The following UBA2 variants were observed in gnomAD, a reference collection of about 807,000 sequenced individuals.
UBA2 encodes the protein ubiquitin like modifier activating enzyme 2.
In UBA2, 11 loss-of-function variants were observed where a neutral mutation model predicts 77.2. That is an observed-to-expected ratio of 0.14 (90% CI 0.09 to 0.24). The LOEUF is 0.24. UBA2 is among the 10% of genes least tolerant of loss of function. UBA2 has a pLI of 1.00. For missense variants in UBA2, 487 were observed against 781.7 expected, an observed-to-expected ratio of 0.62 and a Z score of 4.50; for synonymous variants, 278 against 276.7, an observed-to-expected ratio of 1.00 and a Z score of -0.05.
At chr19:34,432,320 A>G (rs573634303) in intron 3 of UBA2, among the ~76,000 whole-genome samples, 45 of 152,294 alleles carry the variant, frequency 3.0e-4, no homozygotes, top group African/African-American at 9.9e-4. Context: ...CTTCTGTAAT[A>G]TAACACTTGG....
At chr19:34,430,288 T>C (rs2075237678) in intron 1 of UBA2, 2 of 282,382 alleles carry the variant, frequency 7.1e-6, no homozygotes, top group Non-Finnish European at 1.3e-5. Flanking sequence ...CATATTTTTA[T>C]GGCATCCAGG....
chr19:34,448,939 T>C (rs2075461283), intron 8 of UBA2, among the ~76,000 whole-genome samples: 1 of 152,186 alleles, frequency 6.6e-6, no homozygotes, highest in Non-Finnish European at 1.5e-5. Context: ...CAAGATCCTC[T>C]ACAAAATGTT....
intron 13 of UBA2, 22 bp downstream of exon 13, chr19:34,458,946 CT>C: frequency 6.2e-7 from 1 of 1,600,828 alleles, no homozygotes; most frequent in South Asian, 1.1e-5. Context: ...GCCTGGGTCT[CT>C]TTTCCTTTTG....
rs566132762 is a variant in UBA2, at chr19:34,462,262, A to C, written c.1498+1696A>C. ...ATTTTTACTAAGGCAGAGGCAGGTG[A>C]TAGATTTGAGATTTGCAAAGTCAGA... On this transcript the variant is annotated intron_variant, in intron 14 of 16. Transcript: ENST00000246548. Among the ~76,000 whole-genome samples the C allele has an allele frequency of 2.6e-5, 4 of 152,268 alleles. No individual in the cohort carries two copies. In the South Asian group the frequency reaches 8.3e-4, roughly 32 times the overall value.
chr19:34,451,841 T>C, intron 9 of UBA2, 140 bp from the exon 10 acceptor site: 1 of 479,424 alleles, frequency 2.1e-6, no homozygotes, highest in East Asian at 3.7e-5. Context: ...CCACCGTGCC[T>C]GGCCCCATGA....
rs777565481 is a variant in UBA2, at chr19:34,450,384, C to T, written c.871+20C>T. 2 of 1,520,592 alleles carry T rather than the reference C, an allele frequency of 1.3e-6. No homozygotes were observed. The allele number at this position is 1,520,592 out of a possible 1,614,324, so 94.2% of individuals were successfully genotyped here. A position where few individuals can be genotyped will look rare whatever the true frequency, so the allele number is the denominator to read the frequency against. On this transcript the variant is annotated intron_variant, in intron 9 of 16. Coordinates refer to ENST00000246548, the MANE Select transcript of UBA2 (RefSeq NM_005499.3). ...GTCAAGGTAAAGAATACATTTTAGT[C>T]TTGGAACACCTAAGCTGGAAATATC...
intron 5 of UBA2, among the ~76,000 whole-genome samples, chr19:34,437,545 G>C (rs965311360): frequency 1.6e-4 from 25 of 152,122 alleles, no homozygotes; most frequent in Admixed American, 1.3e-3. Flanking sequence ...GGGAGGCAGA[G>C]GTTGTGGTGA....
intron 3 of UBA2, among the ~76,000 whole-genome samples, chr19:34,432,684 A>G (rs775039102): frequency 6.6e-6 from 1 of 151,964 alleles, no homozygotes; most frequent in Non-Finnish European, 1.5e-5. Flanking sequence ...CAGCCTCCTG[A>G]GTAGTTGGGA....
chr19:34,446,209 T>G lies in UBA2; in HGVS notation c.771+1088T>G, dbSNP rs146934526. On this transcript the variant is annotated intron_variant, in intron 8 of 16. Transcript: ENST00000246548. ...CAAGTTTATCACAGAGCTTAAAACT[T>G]TCTCAGCTCTTATCAAACTGCCTCA... is the stretch of plus-strand genomic sequence containing the variant. Among the ~76,000 whole-genome samples, 1,445 of 152,212 alleles carry G rather than the reference T, an allele frequency of 9.5e-3. 8 individuals are homozygous for G. Among genetic ancestry groups the G allele is most frequent in the Non-Finnish European group, 0.014 (927 of 68,008 alleles).
chr19:34,433,352 G>A lies in UBA2; in HGVS notation c.298G>A (p.Asp100Asn), dbSNP rs1395492988. The stretch of plus-strand genomic sequence containing the variant: ...TTTTTTTATTTTGTTTTGTAGCCCT[G>A]ACTATAATGTGGAATTTTTCCGACA... Reference protein sequence around the residue: ...VAYHDSIMNPDYNVEFFRQFI... With the variant: ...VAYHDSIMNPNYNVEFFRQFI... Residue 100 changes from aspartate (D) to asparagine (N), a missense_variant, in exon 4 of 17, where the codon GAC (aspartate) becomes AAC (asparagine). Transcript: ENST00000246548. 1 of 1,610,874 alleles carries A rather than the reference G, an allele frequency of 6.2e-7. No individual in the cohort carries two copies. Among genetic ancestry groups the A allele is most frequent in the Non-Finnish European group, 8.5e-7 (1 of 1,178,092 alleles).
At chr19:34,465,958 CAG>C (rs2075683017) in intron 15 of UBA2, among the ~76,000 whole-genome samples, 2 of 152,082 alleles carry the variant, frequency 1.3e-5, no homozygotes, top group Admixed American at 1.3e-4. Context: ...AGTTCATGTA[CAG>C]AAGCATGGTG....
rs2075222239 is a variant in UBA2, at chr19:34,429,134, G to A, written c.138+564G>A. The A allele has an allele frequency of 4.1e-6, 4 of 981,614 alleles. No individual in the cohort carries two copies. In the South Asian group the frequency reaches 1.9e-4, roughly 46 times the overall value. 60.8% of individuals were successfully genotyped at this position (981,614 alleles called of 1,614,324 possible). A position where few individuals can be genotyped will look rare whatever the true frequency, so the allele number is the denominator to read the frequency against. On this transcript the variant is annotated intron_variant, in intron 1 of 16. Transcript: ENST00000246548. ...TTTTAACAGATGAGGAAAGGGAGAC[G>A]CAATGGGGTTGAGTAACTTACCCTG...
intron 12 of UBA2, among the ~76,000 whole-genome samples, chr19:34,458,500 G>T (rs1338433818): frequency 6.8e-6 from 1 of 146,722 alleles, no homozygotes; most frequent in African/African-American, 2.6e-5. Flanking sequence ...GGCGGAGCCT[G>T]CAGTGAGCCG....
chr19:34,439,725 T>C (rs922549898), intron 6 of UBA2, among the ~76,000 whole-genome samples: 1 of 151,514 alleles, frequency 6.6e-6, no homozygotes, highest in Non-Finnish European at 1.5e-5. Context: ...GAGGCCGAGG[T>C]AGGAGGATCA....
intron 5 of UBA2, 65 bp downstream of exon 5, chr19:34,435,033 A>G (rs567289868): frequency 5.8e-5 from 65 of 1,124,076 alleles, no homozygotes; most frequent in Non-Finnish European, 7.9e-5. Flanking sequence ...GCAGGAGGAA[A>G]TAAACTTTGT....
intron 1 of UBA2, 107 bp from the exon 2 acceptor site, chr19:34,430,469 C>T (rs2075240631): frequency 1.5e-6 from 1 of 683,092 alleles, no homozygotes; most frequent in Non-Finnish European, 2.4e-6. Flanking sequence ...GCTTTCTCCA[C>T]TAATGTAGCA....
At chr19:34,460,708 A>T in intron 14 of UBA2, 142 bp downstream of exon 14, 1 of 582,138 alleles carries the variant, frequency 1.7e-6, no homozygotes, top group South Asian at 3.2e-5. Flanking sequence ...TTTCAAGGTG[A>T]CATTGCTGGG....
intron 8 of UBA2, among the ~76,000 whole-genome samples, chr19:34,448,416 A>C (rs2075454818): frequency 1.3e-5 from 2 of 152,076 alleles, no homozygotes; most frequent in African/African-American, 2.4e-5. Context: ...GCAATATAGC[A>C]AGACCCCATC....
intron 5 of UBA2, 78 bp from the exon 6 acceptor site, chr19:34,438,567 A>T: frequency 1.3e-6 from 2 of 1,532,094 alleles, no homozygotes; most frequent in Non-Finnish European, 1.8e-6. Flanking sequence ...ATATAGATGA[A>T]TGAAGTGTTT....
Sources: gnomAD v4.1 joint callset for allele counts (sites outside exome capture counted in the v4.1 genomes callset) on GRCh38, gnomAD v4.1.1 for gene constraint, MANE v1.5 for transcripts, NCBI Gene and HGNC (gene_info 2026-07-23, HGNC 2026-07-21) for gene names.